SGK1: variants seen among roughly 807,000 people sequenced by gnomAD.
The protein encoded by SGK1 is serum/glucocorticoid regulated kinase 1.
A neutral mutation model predicts 64.2 loss-of-function variants in SGK1; 26 were observed. The ratio of observed to expected loss-of-function variants is 0.40; its 90% CI spans 0.30 to 0.56. The LOEUF (loss-of-function observed/expected upper bound fraction) is 0.56, where lower values mean the gene tolerates loss of function less well. Ranked by LOEUF, SGK1 falls within the 20% of genes least tolerant of loss-of-function variation. SGK1 has a pLI of 0.38. For missense variants in SGK1, 519 were observed against 645.6 expected (o/e 0.80, Z 2.12); for synonymous variants, 265 against 239.7 (o/e 1.11, Z -0.98).
intron 1 of SGK1, among the ~76,000 whole-genome samples, chr6:134,278,969 AG>A (rs1777055325): frequency 6.6e-6 from 1 of 152,228 alleles, no homozygotes; most frequent in Admixed American, 6.5e-5. Context: ...AGAAGGAAAA[AG>A]GATGCATTTC....
intron 3 of SGK1, among the ~76,000 whole-genome samples, chr6:134,182,624 CG>C (rs937219157): frequency 2.0e-5 from 3 of 152,122 alleles, no homozygotes; most frequent in African/African-American, 7.2e-5. Context: ...ACAACACTGT[CG>C]CACAGTGCAA....
At position 134,170,888 on chromosome 6, in the gene SGK1, A is replaced by G; in HGVS notation, c.1351T>C (p.Ser451Pro). The change falls in exon 13 of 14, where the codon TCC (serine) becomes CCC (proline). Residue 451 changes from serine (S) to proline (P), a missense_variant. Coordinates refer to ENST00000367858, the MANE Select transcript of SGK1 (RefSeq NM_001143676.3). ...FMEIKSHVFF[S>P]LINWDDLINK... ...ATGAGATCATCCCAGTTAATTAAGG[A>G]GAAGAAGACATGACTCTTAATCTCC... 6.2e-7 allele frequency: 1 copy of G among 1,612,414 alleles called. No individual in the cohort carries two copies. The highest frequency in any genetic ancestry group is 8.5e-7 in the Non-Finnish European group (1 of 1,178,470).
chr6:134,288,592 G>A (rs1213622032), intron 1 of SGK1, among the ~76,000 whole-genome samples: 3 of 152,210 alleles, frequency 2.0e-5, no homozygotes, highest in African/African-American at 7.2e-5. Context: ...GGGAACACAT[G>A]TGAAGGTAGT....
At chr6:134,238,968 C>G (rs917406422) in intron 2 of SGK1, among the ~76,000 whole-genome samples, 4 of 152,186 alleles carry the variant, frequency 2.6e-5, no homozygotes, top group Non-Finnish European at 5.9e-5. Context: ...TTCTAAAATA[C>G]TTCATAATGC....
chr6:134,212,077 G>A (rs1775900440), intron 2 of SGK1, among the ~76,000 whole-genome samples: 3 of 146,880 alleles, frequency 2.0e-5, no homozygotes, highest in Admixed American at 6.8e-5. Flanking sequence ...TGGGGGGGAC[G>A]GAGTCTCTCT....
At position 134,276,736 on chromosome 6, in the gene SGK1, G is replaced by A. The variant is rs911357525; in HGVS notation, c.70-14588C>T. Among the ~76,000 whole-genome samples, 8 of 152,184 alleles carry A rather than the reference G, an allele frequency of 5.3e-5. No individual in the cohort carries two copies. In the South Asian group the frequency reaches 6.2e-4, roughly 12 times the overall value. On this transcript the variant is annotated intron_variant, in intron 1 of 13. Coordinates refer to ENST00000367858, the MANE Select transcript of SGK1 (RefSeq NM_001143676.3). ...GCTTATTCCAGGGGTCTCCAAACCCGGGTAACACAGGACAGCTTTAAAAAT... is the reference window on the plus strand; with the variant it reads ...GCTTATTCCAGGGGTCTCCAAACCCAGGTAACACAGGACAGCTTTAAAAAT...
intron 2 of SGK1, among the ~76,000 whole-genome samples, chr6:134,255,281 C>T (rs1776665106): frequency 6.6e-6 from 1 of 152,136 alleles, no homozygotes; most frequent in South Asian, 2.1e-4. Flanking sequence ...TCCATTTTTT[C>T]ACCATTTCCA....
At chr6:134,288,831 CA>C (rs1777222354) in intron 1 of SGK1, among the ~76,000 whole-genome samples, 1 of 152,184 alleles carries the variant, frequency 6.6e-6, no homozygotes, top group Admixed American at 6.5e-5. Flanking sequence ...ATGAAACCAA[CA>C]CCAGGAAATG....
intron 3 of SGK1, among the ~76,000 whole-genome samples, chr6:134,181,944 G>A (rs898812990): frequency 1.3e-5 from 2 of 151,846 alleles, no homozygotes; most frequent in East Asian, 3.9e-4. Context: ...TGCAACCTCC[G>A]CCTCCCAGGT....
intron 1 of SGK1, among the ~76,000 whole-genome samples, chr6:134,267,568 C>T (rs1187346074): frequency 1.3e-5 from 2 of 152,142 alleles, no homozygotes; most frequent in African/African-American, 4.8e-5. Flanking sequence ...TCTGGGATTA[C>T]AGACATGAGC....
intron 3 of SGK1, among the ~76,000 whole-genome samples, chr6:134,178,611 G>A (rs1345795240): frequency 1.3e-5 from 2 of 152,196 alleles, no homozygotes; most frequent in Non-Finnish European, 2.9e-5. Flanking sequence ...GTGGCGAAGT[G>A]GTCCGAGTAG....
At chr6:134,308,282 ATTTATT>A (rs1432253102) in intron 1 of SGK1, among the ~76,000 whole-genome samples, 2 of 152,200 alleles carry the variant, frequency 1.3e-5, no homozygotes, top group Non-Finnish European at 2.9e-5. Flanking sequence ...ACATATTCCG[ATTTATT>A]TTTAATTCTC....
In SGK1 at chr6:134,215,075, C is replaced by A. The variant is rs1031514120; in HGVS notation, c.286-7644G>T. ...CACATTTAGGGAGATGTCAGTTGTC[C>A]AGAAGTTTTGCAGAGAATCTGGAAA... On this transcript the variant is annotated intron_variant, in intron 2 of 13. Transcript: ENST00000367858. 1.0e-4 allele frequency: 47 copies of A among 455,440 alleles called. No individual in the cohort carries two copies. In the Admixed American group the frequency reaches 1.1e-3, roughly 10 times the overall value. The allele number at this position is 455,440 out of a possible 1,614,324, so 28.2% of individuals were successfully genotyped here. A position where few individuals can be genotyped will look rare whatever the true frequency, so the allele number is the denominator to read the frequency against.
rs1321501609 is a variant in SGK1 at position 134,178,172 on chromosome 6, C to A, written c.362-3586G>T. On this transcript the variant is annotated intron_variant, in intron 3 of 13. Transcript: ENST00000367858. ...ACGCGGAATAGAGAATAGATGCAAC[C>A]GTATGATTTGTGGTTGGAAAAGAAA... Among the ~76,000 whole-genome samples the A allele has an allele frequency of 2.0e-5, 3 of 152,252 alleles. No individual in the cohort carries two copies. In the South Asian group the frequency reaches 6.2e-4, roughly 32 times the overall value.
intron 1 of SGK1, among the ~76,000 whole-genome samples, chr6:134,283,547 G>A (rs543653262): frequency 1.3e-5 from 2 of 151,546 alleles, no homozygotes; most frequent in South Asian, 4.2e-4. Flanking sequence ...GCCCTACAGA[G>A]GACACATCAA....
intron 2 of SGK1, among the ~76,000 whole-genome samples, chr6:134,243,818 A>G (rs1464530624): frequency 6.6e-6 from 1 of 152,126 alleles, no homozygotes; most frequent in Non-Finnish European, 1.5e-5. Context: ...TCTATGGATA[A>G]TTGTTGTTTG....
intron 1 of SGK1, among the ~76,000 whole-genome samples, chr6:134,270,335 G>C (rs1188119876): frequency 6.8e-6 from 1 of 146,806 alleles, no homozygotes; most frequent in Non-Finnish European, 1.5e-5. Context: ...TTTCCAACTG[G>C]ATCATAAGCA....
intron 1 of SGK1, among the ~76,000 whole-genome samples, chr6:134,288,285 T>C (rs1777215741): frequency 6.6e-6 from 1 of 152,212 alleles, no homozygotes; most frequent in Admixed American, 6.5e-5. Flanking sequence ...GGAGTCTGAA[T>C]GTAAAACATT....
At chr6:134,198,968 C>T (rs1383102355) in intron 3 of SGK1, among the ~76,000 whole-genome samples, 1 of 152,172 alleles carries the variant, frequency 6.6e-6, no homozygotes, top group African/African-American at 2.4e-5. Flanking sequence ...TCACCGCAGC[C>T]TCCAACTCTT....
Sources: gnomAD v4.1 joint callset for allele counts (sites outside exome capture counted in the v4.1 genomes callset) on GRCh38, gnomAD v4.1.1 for gene constraint, MANE v1.5 for transcripts, NCBI Gene and HGNC (gene_info 2026-07-23, HGNC 2026-07-21) for gene names.